Variants in KDM5B observed in about 807,000 individuals in gnomAD.
KDM5B encodes lysine-specific demethylase 5B.
Under a neutral mutation model 193.4 loss-of-function variants are expected in KDM5B, and 144 were observed. That is an observed-to-expected ratio of 0.74 (90% CI 0.65 to 0.86). The LOEUF (loss-of-function observed/expected upper bound fraction) is 0.86. Ranked by LOEUF, KDM5B falls within the 40% of genes least tolerant of loss-of-function variation. KDM5B has a pLI of 0.00. For synonymous variants in KDM5B, 668 were observed against 682.6 expected, an observed-to-expected ratio of 0.98 and a Z score of 0.33; for missense variants, 1,833 against 1,886.9, an observed-to-expected ratio of 0.97 and a Z score of 0.53.
At chr1:202,761,623 A>C (rs1656252589) in intron 7 of KDM5B, among the ~76,000 whole-genome samples, 1 of 152,168 alleles carries the variant, frequency 6.6e-6, no homozygotes, top group Admixed American at 6.5e-5. Context: ...TTACGGAGGT[A>C]ATCATCCAAT....
chr1:202,743,264 G>T (rs1655418547), intron 16 of KDM5B, among the ~76,000 whole-genome samples: 2 of 139,494 alleles, frequency 1.4e-5, no homozygotes, highest in Admixed American at 1.6e-4. Context: ...TTAAACCCAG[G>T]ATTTCAAGGC....
rs1355418577 is a variant in KDM5B at position 202,808,384 on chromosome 1, G to C, written c.-79C>G. 1 of 1,325,838 alleles carries C rather than the reference G, an allele frequency of 7.5e-7. No homozygotes were observed. The highest frequency in any genetic ancestry group is 1.0e-6 in the Non-Finnish European group (1 of 992,678). 82.1% of individuals were successfully genotyped at this position (1,325,838 alleles called of 1,614,324 possible). A position where few individuals can be genotyped will look rare whatever the true frequency, so the allele number is the denominator to read the frequency against. On this transcript the variant is annotated 5_prime_UTR_variant, in exon 1 of 27. Coordinates refer to ENST00000367265, the MANE Select transcript of KDM5B (RefSeq NM_006618.5). ...GAGCTCCGCTCGGTCCGAGACCCGT[G>C]CAGACGCGGCTCGAGCAACAGCAAG... is the stretch of plus-strand genomic sequence containing the variant.
chr1:202,741,699 A>G lies in KDM5B; in HGVS notation c.2613T>C (p.Asp871=). Residue 871 remains aspartate, a synonymous_variant, in exon 19 of 27, where the codon GAT becomes GAC. Coordinates refer to ENST00000367265, the MANE Select transcript of KDM5B (RefSeq NM_006618.5). ...LLKDLLNRVE[D]FQQHSQKLLS... ...GTAGTTTCTGACTATGCTGTTGAAAATCTTCTACACGATTCAAGAGATCCT... is the reference window on the plus strand; with the variant it reads ...GTAGTTTCTGACTATGCTGTTGAAAGTCTTCTACACGATTCAAGAGATCCT... The G allele has an allele frequency of 6.2e-7, 1 of 1,610,742 alleles. No homozygotes were observed. The highest frequency in any genetic ancestry group is 8.5e-7 in the Non-Finnish European group (1 of 1,178,262).
In KDM5B at chr1:202,735,426, TACA is replaced by T; in HGVS notation, c.3423_3423+2del. On this transcript the variant is annotated splice_donor_variant and coding_sequence_variant, in exon 22 of 27. Transcript: ENST00000367265. LOFTEE classifies it high-confidence loss of function. ...GAAAGGAGAAGAAAAAAACCCTACA[TACA>T]GCTGAAGCAGTCTCCTTGCTTTCAG... 1 of 1,611,248 alleles carries T rather than the reference TACA, an allele frequency of 6.2e-7. No homozygotes were observed. The highest frequency in any genetic ancestry group is 8.5e-7 in the Non-Finnish European group (1 of 1,178,992).
At chr1:202,794,861 CTT>C (rs1259935182) in intron 1 of KDM5B, among the ~76,000 whole-genome samples, 1 of 152,148 alleles carries the variant, frequency 6.6e-6, no homozygotes, top group African/African-American at 2.4e-5. Context: ...TAAAATTTAA[CTT>C]ATAAATTAGG....
chr1:202,732,865 ATGTCAAAAGAATCCAGCTTT>A (rs1408711297), intron 23 of KDM5B, among the ~76,000 whole-genome samples: 1 of 152,228 alleles, frequency 6.6e-6, no homozygotes, highest in African/African-American at 2.4e-5. Flanking sequence ...CCATCCAGTG[ATGTCAAAAGAATCCAGCTTT>A]TGGCAGAAAG....
chr1:202,756,961 T>C (rs1220395320), intron 9 of KDM5B, among the ~76,000 whole-genome samples: 2 of 152,162 alleles, frequency 1.3e-5, no homozygotes, highest in Non-Finnish European at 2.9e-5. Context: ...CTGAGAGCAA[T>C]GTAGGCAACC....
chr1:202,741,753 A>T (rs568931748), intron 18 of KDM5B, 31 bp from the exon 19 acceptor site: 3 of 1,310,962 alleles, frequency 2.3e-6, no homozygotes, highest in Admixed American at 3.9e-5. Flanking sequence ...TGTTGCATTA[A>T]AACAGTAATT....
At chr1:202,806,002 A>T (rs562104950) in intron 1 of KDM5B, among the ~76,000 whole-genome samples, 1 of 152,160 alleles carries the variant, frequency 6.6e-6, no homozygotes, top group Non-Finnish European at 1.5e-5. Flanking sequence ...ACTATGTAGC[A>T]CTCTCAATAC....
Position 202,746,310 on chromosome 1 carries a change from G to T in KDM5B, c.2030C>A (p.Ser677Ter). Residue 677 changes from serine to a stop codon, truncating the protein, a stop_gained, in exon 15 of 27, where the codon TCG becomes TAG. Coordinates refer to ENST00000367265, the MANE Select transcript of KDM5B (RefSeq NM_006618.5). LOFTEE classifies it high-confidence loss of function. ...CAACAGCTCAAAATCCATTCTTTCC[G>T]AATCAATCACTCCCTAGAATAAAGT... Reference protein sequence around the residue: ...ETVRKLGVIDSERMDFELLPD... With the variant: ...ETVRKLGVID 6.2e-7 allele frequency: 1 copy of T among 1,605,736 alleles called. No homozygotes were observed. Among genetic ancestry groups the T allele is most frequent in the Non-Finnish European group, 8.5e-7 (1 of 1,176,446 alleles).
At position 202,729,070 on chromosome 1, in the gene KDM5B, CG is replaced by C; in HGVS notation, c.4600del (p.Arg1534AlafsTer4). On this transcript the variant is annotated frameshift_variant, in exon 27 of 27. Transcript: ENST00000367265. LOFTEE classifies it high-confidence loss of function. Reference protein sequence around the residue: ...MAEKEDYICVRCTVKDAPSRK With the variant: ...MAEKEDYICVXCTVKDAPSRK ...GCTTGGTGCGTCCTTCACAGTACAG[CG>C]CACACAGATGTAGTCTTCTTTCTCT... 6.2e-7 allele frequency: 1 copy of C among 1,614,030 alleles called. No individual in the cohort carries two copies. The highest frequency in any genetic ancestry group is 8.5e-7 in the Non-Finnish European group (1 of 1,179,986).
intron 1 of KDM5B, among the ~76,000 whole-genome samples, chr1:202,789,015 A>G (rs1195828177): frequency 1.3e-5 from 2 of 152,184 alleles, no homozygotes; most frequent in Non-Finnish European, 2.9e-5. Flanking sequence ...CTACCTGGGC[A>G]CTAAGGGCAG....
intron 4 of KDM5B, among the ~76,000 whole-genome samples, chr1:202,770,652 A>C (rs1043562094): frequency 3.3e-5 from 5 of 152,220 alleles, no homozygotes; most frequent in Admixed American, 1.3e-4. Context: ...TTCAAAAACT[A>C]TTCAATGATA....
chr1:202,747,569 T>TAAAA (rs71564198), intron 14 of KDM5B, among the ~76,000 whole-genome samples: 7 of 129,142 alleles, frequency 5.4e-5, no homozygotes, highest in Non-Finnish European at 1.0e-4. Flanking sequence ...CACATATTTT[T>TAAAA]AAAAAAAAAA....
At chr1:202,791,356 A>C (rs1428299511) in intron 1 of KDM5B, among the ~76,000 whole-genome samples, 1 of 152,192 alleles carries the variant, frequency 6.6e-6, no homozygotes, top group African/African-American at 2.4e-5. Context: ...CTGTGTCTAG[A>C]GTTGAGACTT....
chr1:202,780,156 C>T (rs1413638542), intron 1 of KDM5B, among the ~76,000 whole-genome samples: 3 of 152,014 alleles, frequency 2.0e-5, no homozygotes, highest in Non-Finnish European at 4.4e-5. Flanking sequence ...TGCCTTGTGA[C>T]CCAGCAGTTT....
chr1:202,730,107 A>T, intron 25 of KDM5B, 80 bp from the exon 26 acceptor site: 1 of 1,212,894 alleles, frequency 8.2e-7, no homozygotes, highest in Non-Finnish European at 1.1e-6. Flanking sequence ...GAGAACATGT[A>T]AATTAGAAAT....
intron 21 of KDM5B, among the ~76,000 whole-genome samples, 180 bp from the exon 22 acceptor site, chr1:202,735,767 AAGAT>A (rs1452463774): frequency 6.6e-6 from 1 of 152,260 alleles, no homozygotes; most frequent in Non-Finnish European, 1.5e-5. Context: ...AGACTCATAA[AAGAT>A]AGACTGATTC....
intron 20 of KDM5B, among the ~76,000 whole-genome samples, chr1:202,738,753 G>T (rs1558482957): frequency 6.6e-6 from 1 of 152,066 alleles, no homozygotes; most frequent in Non-Finnish European, 1.5e-5. Flanking sequence ...GATAAGGGAA[G>T]ACATCCCCCA....
Sources: gnomAD v4.1 joint callset for allele counts (sites outside exome capture counted in the v4.1 genomes callset) on GRCh38, gnomAD v4.1.1 for gene constraint, MANE v1.5 for transcripts, NCBI Gene and HGNC (gene_info 2026-07-23, HGNC 2026-07-21) for gene names.